The following DOCK1 variants were observed in gnomAD, a reference collection of about 807,000 sequenced individuals.
DOCK1 encodes the protein dedicator of cytokinesis 1.
DOCK1 carries 138 observed loss-of-function variants against 262.7 expected under a neutral mutation model. The observed-to-expected ratio is 0.53, with a 90% CI of 0.46 to 0.61. DOCK1 has a LOEUF of 0.61. Among genes scored for constraint, DOCK1 ranks in the 20% least tolerant of loss-of-function variants. The pLI is 0.00. For synonymous variants in DOCK1, 866 were observed against 867.4 expected (o/e 1.00, Z 0.03); for missense variants, 1,908 against 2,370.7 (o/e 0.80, Z 4.05).
At chr10:126,908,036 T>A (rs1333232075) in intron 1 of DOCK1, among the ~76,000 whole-genome samples, 1 of 150,006 alleles carries the variant, frequency 6.7e-6, no homozygotes, top group Non-Finnish European at 1.5e-5. Flanking sequence ...TTCCTCTCAC[T>A]GGGTGCAGAT....
At chr10:127,062,285 C>T (rs2045587152) in intron 23 of DOCK1, among the ~76,000 whole-genome samples, 1 of 151,996 alleles carries the variant, frequency 6.6e-6, no homozygotes, top group Non-Finnish European at 1.5e-5. Context: ...AAAAACTGTA[C>T]ATATTTATGG....
At chr10:126,906,727 T>G (rs1161334010) in intron 1 of DOCK1, among the ~76,000 whole-genome samples, 2 of 152,196 alleles carry the variant, frequency 1.3e-5, no homozygotes, top group African/African-American at 2.4e-5. Context: ...GCTCTCTGAC[T>G]TTTGGGAAGC....
chr10:127,005,887 TAGTA>T (rs112291586), intron 10 of DOCK1, among the ~76,000 whole-genome samples: 6,716 of 152,252 alleles, frequency 0.044, 483 homozygotes, highest in African/African-American at 0.15. Context: ...TGCAGTTCAG[TAGTA>T]AGTATGTTTG....
chr10:127,300,555 G>T (rs779885701), intron 29 of DOCK1, among the ~76,000 whole-genome samples: 2 of 152,152 alleles, frequency 1.3e-5, no homozygotes, highest in East Asian at 3.9e-4. Flanking sequence ...AAGAGATATC[G>T]CCCTCCCTTT....
chr10:127,444,171 G>C lies in DOCK1; in HGVS notation c.5305G>C (p.Val1769Leu). The change falls in exon 50 of 52, where the codon GTC (valine) becomes CTC (leucine). Residue 1769 changes from valine (V) to leucine (L), a missense_variant. Val to Leu is a conservative substitution (Grantham distance 32). This residue lies in a region of DOCK1 where 383 missense variants were observed against 420.1 expected (regional missense o/e 0.91). Transcript: ENST00000623213. ...PQRPKSQVMN[V>L]IGSERRFSVS... The stretch of plus-strand genomic sequence containing the variant: ...GAGACCGAAGAGCCAGGTGATGAAC[G>C]TCATTGGAAGCGAAAGGCGCTTCTC... The C allele has an allele frequency of 6.3e-7, 1 of 1,594,754 alleles. No homozygotes were observed. Among genetic ancestry groups the C allele is most frequent in the East Asian group, 2.3e-5 (1 of 43,240 alleles).
intron 51 of DOCK1, among the ~76,000 whole-genome samples, chr10:127,449,229 G>A (rs1000585224): frequency 2.8e-4 from 42 of 150,998 alleles, no homozygotes; most frequent in African/African-American, 8.9e-4. Context: ...AAGGAGATTC[G>A]GGGGGGTCTA....
At chr10:127,374,332 T>A (rs1281300582) in intron 35 of DOCK1, 118 bp downstream of exon 35, 17 of 1,288,144 alleles carry the variant, frequency 1.3e-5, no homozygotes, top group Non-Finnish European at 1.7e-5. Context: ...CGCAGAACAA[T>A]CTCCTTCGCT....
intron 5 of DOCK1, among the ~76,000 whole-genome samples, chr10:126,989,799 A>G (rs564576356): frequency 6.6e-6 from 1 of 152,200 alleles, no homozygotes; most frequent in Non-Finnish European, 1.5e-5. Context: ...ATTCTTAGAA[A>G]GTGGTAAGAA....
chr10:127,447,354 G>A, intron 50 of DOCK1, 40 bp from the exon 51 acceptor site: 1 of 1,593,236 alleles, frequency 6.3e-7, no homozygotes, highest in East Asian at 2.3e-5. Flanking sequence ...AGGCTCCGTG[G>A]GGAAGTCGGG....
chr10:126,913,323 G>GCAGC (rs35361770), intron 1 of DOCK1, among the ~76,000 whole-genome samples: 150,574 of 152,190 alleles, frequency 0.99, 74,516 homozygotes, highest in East Asian at 1. Context: ...CATGAGTAGG[G>GCAGC]CAGCCTCATA....
intron 1 of DOCK1, among the ~76,000 whole-genome samples, chr10:126,937,274 T>C (rs2034615403): frequency 6.6e-6 from 1 of 152,372 alleles, no homozygotes; most frequent in South Asian, 2.1e-4. Context: ...TTAGCTCTTG[T>C]GAATAATGCT....
intron 1 of DOCK1, among the ~76,000 whole-genome samples, chr10:126,942,157 G>A (rs990262940): frequency 2.6e-5 from 4 of 151,846 alleles, no homozygotes; most frequent in East Asian, 3.9e-4. Context: ...CCCGAGTAGC[G>A]GGACTACAGG....
In DOCK1 at chr10:127,451,553, T is replaced by C. The variant is rs778473584; in HGVS notation, c.*126T>C. ...ATGTTAACATTTCGTGCGACTGCTT[T>C]TTCTTCAAAGGAGTTCAGTTCTCAC... On this transcript the variant is annotated 3_prime_UTR_variant, in exon 52 of 52. Transcript: ENST00000623213. 7.9e-6 allele frequency: 12 copies of C among 1,514,962 alleles called. No homozygotes were observed. Among genetic ancestry groups the C allele is most frequent in the Non-Finnish European group, 1.1e-5 (12 of 1,132,308 alleles). The allele number at this position is 1,514,962 out of a possible 1,614,324, so 93.8% of individuals were successfully genotyped here. A position where few individuals can be genotyped will look rare whatever the true frequency, so the allele number is the denominator to read the frequency against.
At chr10:127,416,231 C>A (rs145828817) in intron 44 of DOCK1, among the ~76,000 whole-genome samples, 1 of 152,348 alleles carries the variant, frequency 6.6e-6, no homozygotes, top group East Asian at 1.9e-4. Flanking sequence ...CTGGAGTTCC[C>A]TTTCTGTGCC....
intron 27 of DOCK1, among the ~76,000 whole-genome samples, chr10:127,155,746 C>T (rs575150341): frequency 7.2e-5 from 11 of 152,328 alleles, no homozygotes; most frequent in African/African-American, 2.6e-4. Context: ...TTCTCTCTTG[C>T]CCTATATAGA....
chr10:127,209,779 A>G (rs1458843595), intron 27 of DOCK1, among the ~76,000 whole-genome samples: 4 of 152,238 alleles, frequency 2.6e-5, no homozygotes, highest in Non-Finnish European at 5.9e-5. Context: ...CATAGAATTT[A>G]TGGAAAGAAC....
intron 1 of DOCK1, among the ~76,000 whole-genome samples, chr10:126,905,853 C>T (rs1487446502): frequency 8.6e-5 from 13 of 152,024 alleles, no homozygotes; most frequent in Non-Finnish European, 1.5e-5. Context: ...ACGCCCGCTC[C>T]TCTGGACCTC....
chr10:127,228,387 C>G (rs1006278474), intron 27 of DOCK1, among the ~76,000 whole-genome samples: 1 of 152,198 alleles, frequency 6.6e-6, no homozygotes, highest in South Asian at 2.1e-4. Flanking sequence ...TGTTTTTCAT[C>G]TGCTGGGTGG....
At chr10:127,169,479 G>A (rs2054367554) in intron 27 of DOCK1, among the ~76,000 whole-genome samples, 1 of 152,182 alleles carries the variant, frequency 6.6e-6, no homozygotes, top group African/African-American at 2.4e-5. Context: ...ATTTTTAGCT[G>A]TATGAATATG....
Sources: allele counts gnomAD v4.1 joint callset (sites outside exome capture counted in the v4.1 genomes callset), GRCh38; gene constraint gnomAD v4.1.1; regional missense constraint gnomAD v4.1.1; transcripts MANE v1.5; gene names NCBI Gene and HGNC (gene_info 2026-07-23, HGNC 2026-07-21).